XPOT: variants seen among roughly 807,000 people sequenced by gnomAD.
XPOT encodes exportin-T.
Under a neutral mutation model 128.2 loss-of-function variants are expected in XPOT, and 34 were observed. That is an observed-to-expected ratio of 0.27 (90% CI 0.20 to 0.35). The LOEUF (loss-of-function observed/expected upper bound fraction) is 0.35. Among genes scored for constraint, XPOT ranks in the 10% least tolerant of loss-of-function variants. The pLI, the probability that XPOT is intolerant of heterozygous loss-of-function variation, is 1.00. For missense variants in XPOT, 838 were observed against 1,125.3 expected, an observed-to-expected ratio of 0.74 and a Z score of 3.65; for synonymous variants, 348 against 394.3, an observed-to-expected ratio of 0.88 and a Z score of 1.39.
Position 64,414,794 on chromosome 12 carries a change from A to G in XPOT, c.61-113A>G, listed in dbSNP as rs117406971. 488 of 628,426 alleles carry G rather than the reference A, an allele frequency of 7.8e-4. 4 individuals are homozygous for G. In the Middle Eastern group the frequency reaches 8.2e-3, roughly 11 times the overall value. 38.9% of individuals were successfully genotyped at this position (628,426 alleles called of 1,614,324 possible). On this transcript the variant is annotated intron_variant, in intron 2 of 24. Coordinates refer to ENST00000332707, the MANE Select transcript of XPOT (RefSeq NM_007235.6). ...CATTTAATGTTTTAACTGTTTTTCTATTAAGTTTACTGATTTGTTATAGGT... is the reference window on the plus strand; with the variant it reads ...CATTTAATGTTTTAACTGTTTTTCTGTTAAGTTTACTGATTTGTTATAGGT...
At position 64,448,194 on chromosome 12, in the gene XPOT, T is replaced by C; in HGVS notation, c.*63T>C. 6.6e-7 allele frequency: 1 copy of C among 1,512,376 alleles called. No homozygotes were observed. Among genetic ancestry groups the C allele is most frequent in the Non-Finnish European group, 9.2e-7 (1 of 1,088,018 alleles). The allele number at this position is 1,512,376 out of a possible 1,614,324, so 93.7% of individuals were successfully genotyped here. A position where few individuals can be genotyped will look rare whatever the true frequency, so the allele number is the denominator to read the frequency against. ...TTCCAGTTAATTTATAAAGAGGCGA[T>C]TTTTGTGTGCCATTCACACTGGTCT... On this transcript the variant is annotated 3_prime_UTR_variant, in exon 25 of 25. Transcript: ENST00000332707.
chr12:64,428,033 C>A lies in XPOT; in HGVS notation c.1668-18C>A. 1 of 1,498,420 alleles carries A rather than the reference C, an allele frequency of 6.7e-7. No homozygotes were observed. Among genetic ancestry groups the A allele is most frequent in the South Asian group, 1.1e-5 (1 of 87,652 alleles). The allele number at this position is 1,498,420 out of a possible 1,614,324, so 92.8% of individuals were successfully genotyped here. A position where few individuals can be genotyped will look rare whatever the true frequency, so the allele number is the denominator to read the frequency against. On this transcript the variant is annotated intron_variant, in intron 15 of 24. Coordinates refer to ENST00000332707, the MANE Select transcript of XPOT (RefSeq NM_007235.6). The stretch of plus-strand genomic sequence containing the variant: ...TGAGCACTGTTATTAATTGTGATTT[C>A]CTTTTTCTGTTTTTCAGTAAGCAAA...
In XPOT at chr12:64,421,443, G is replaced by T. The variant is rs1289102900; in HGVS notation, c.1052G>T (p.Cys351Phe). ...ATTTCTTCTAATATTATTGGATTTT[G>T]TTACGATTATCTTCATATTTTGAAA... ...DDISSNIIGF[C>F]YDYLHILKQL... The change falls in exon 9 of 25, where the codon TGT becomes TTT. Residue 351 changes from cysteine (C) to phenylalanine (F), a missense_variant. Around this residue, in one of 3 missense-constraint regions of XPOT, gnomAD observed 761 missense variants for 988.3 expected, o/e 0.77. Transcript: ENST00000332707. The T allele has an allele frequency of 2.5e-6, 4 of 1,612,904 alleles. No homozygotes were observed. The highest frequency in any genetic ancestry group is 2.7e-5 in the African/African-American group (2 of 74,880).
At chr12:64,429,596 A>G (rs1437381936) in intron 16 of XPOT, among the ~76,000 whole-genome samples, 1 of 151,960 alleles carries the variant, frequency 6.6e-6, no homozygotes, top group East Asian at 1.9e-4. Context: ...GTGCGCCACC[A>G]CACCCAGCTA....
intron 5 of XPOT, among the ~76,000 whole-genome samples, 169 bp downstream of exon 5, chr12:64,418,284 A>G (rs1350294203): frequency 6.6e-6 from 1 of 152,228 alleles, no homozygotes; most frequent in East Asian, 1.9e-4. Flanking sequence ...TAGTTTAGCA[A>G]TAATTTAATA....
At chr12:64,427,835 CTTATTAGGTTTATAAGATTGTA>C (rs1447153160) in intron 15 of XPOT, among the ~76,000 whole-genome samples, 194 bp from the exon 16 acceptor site, 1 of 152,096 alleles carries the variant, frequency 6.6e-6, no homozygotes, top group East Asian at 1.9e-4. Context: ...AAAACTACTC[CTTATTAGGTTTATAAGATTGTA>C]AGTCATTTTG....
In XPOT at chr12:64,450,105, G is replaced by A. The variant is rs1238389196; in HGVS notation, c.*1974G>A. 6.6e-6 allele frequency: 1 copy of A among 152,116 alleles called. No individual in the cohort carries two copies. Among genetic ancestry groups the A allele is most frequent in the Non-Finnish European group, 1.5e-5 (1 of 68,016 alleles). The allele number at this position is 152,116 out of a possible 1,614,324, so 9.4% of individuals were successfully genotyped here. On this transcript the variant is annotated 3_prime_UTR_variant, in exon 25 of 25. Coordinates refer to ENST00000332707, the MANE Select transcript of XPOT (RefSeq NM_007235.6). ...TAAAGACTTGATAGTAGTTTATATGGATGCTATCTCATATTAGCATATATG... is the reference window on the plus strand; with the variant it reads ...TAAAGACTTGATAGTAGTTTATATGAATGCTATCTCATATTAGCATATATG...
chr12:64,425,963 G>C, intron 15 of XPOT, 54 bp downstream of exon 15: 1 of 1,497,482 alleles, frequency 6.7e-7, no homozygotes, highest in South Asian at 1.1e-5. Flanking sequence ...TTACTGGATA[G>C]ATGTAAAACA....
intron 1 of XPOT, among the ~76,000 whole-genome samples, chr12:64,406,085 C>CT (rs539752153): frequency 4.2e-4 from 64 of 151,790 alleles, no homozygotes; most frequent in African/African-American, 1.4e-3. Flanking sequence ...AGCACTTTTT[C>CT]TTTTTTTTGA....
intron 18 of XPOT, among the ~76,000 whole-genome samples, chr12:64,433,114 T>C (rs984672455): frequency 1.3e-5 from 2 of 152,014 alleles, no homozygotes; most frequent in African/African-American, 4.8e-5. Context: ...CCCAGCTAAT[T>C]TTTGTATTTT....
intron 4 of XPOT, among the ~76,000 whole-genome samples, chr12:64,417,065 A>G (rs1444614123): frequency 6.6e-6 from 1 of 152,130 alleles, no homozygotes; most frequent in Non-Finnish European, 1.5e-5. Flanking sequence ...AAAAATACAG[A>G]AACTAGTCAG....
At position 64,433,577 on chromosome 12, in the gene XPOT, G is replaced by T; in HGVS notation, c.2426G>T (p.Gly809Val). ...TTCCTGCAAACAGTCACAGGCAGTGGGATGAGCGAAGTTATAGCAAATCAA... is the reference window on the plus strand; with the variant it reads ...TTCCTGCAAACAGTCACAGGCAGTGTGATGAGCGAAGTTATAGCAAATCAA... ...FAFLQTVTGS[G>V]MSEVIANQGA... Residue 809 changes from glycine to valine, a missense_variant, in exon 19 of 25, where the codon GGG becomes GTG. Physicochemically the swap from Gly to Val is moderately radical, Grantham distance 109 (BLOSUM62 -3). Around this residue, in one of 3 missense-constraint regions of XPOT, gnomAD observed 761 missense variants for 988.3 expected, o/e 0.77. Coordinates refer to ENST00000332707, the MANE Select transcript of XPOT (RefSeq NM_007235.6). 1 of 1,606,900 alleles carries T rather than the reference G, an allele frequency of 6.2e-7. No homozygotes were observed. The highest frequency in any genetic ancestry group is 8.5e-7 in the Non-Finnish European group (1 of 1,175,790).
At chr12:64,413,922 C>T (rs968709918) in intron 2 of XPOT, among the ~76,000 whole-genome samples, 3 of 152,146 alleles carry the variant, frequency 2.0e-5, no homozygotes, top group Non-Finnish European at 4.4e-5. Flanking sequence ...GAGACACCAC[C>T]GTTTTAAAAA....
chr12:64,445,216 T>C (rs2040358816), intron 24 of XPOT, 85 bp downstream of exon 24: 1 of 1,057,556 alleles, frequency 9.5e-7, no homozygotes, highest in African/African-American at 1.6e-5. Context: ...CAATTATAGA[T>C]GTTTATGTGA....
chr12:64,415,765 A>G (rs192767070), intron 3 of XPOT, among the ~76,000 whole-genome samples: 4 of 152,282 alleles, frequency 2.6e-5, no homozygotes, highest in South Asian at 4.1e-4. Context: ...TTATCTTTGT[A>G]TACTAACTAG....
chr12:64,413,384 G>A (rs111428951), intron 2 of XPOT, among the ~76,000 whole-genome samples: 2 of 152,180 alleles, frequency 1.3e-5, no homozygotes, highest in Non-Finnish European at 2.9e-5. Flanking sequence ...ACCCCCCAGA[G>A]TGTTGGGATT....
intron 21 of XPOT, among the ~76,000 whole-genome samples, 176 bp downstream of exon 21, chr12:64,435,085 T>C (rs765855727): frequency 1.3e-5 from 2 of 152,192 alleles, no homozygotes; most frequent in Admixed American, 6.5e-5. Flanking sequence ...TGAATTCTTA[T>C]TGAATCCCAA....
At chr12:64,426,356 A>G (rs1180305713) in intron 15 of XPOT, among the ~76,000 whole-genome samples, 2 of 152,070 alleles carry the variant, frequency 1.3e-5, no homozygotes, top group Non-Finnish European at 2.9e-5. Flanking sequence ...AATACTAAAC[A>G]GCCATAACAA....
intron 22 of XPOT, 85 bp from the exon 23 acceptor site, chr12:64,439,159 T>C: frequency 7.6e-7 from 1 of 1,313,640 alleles, no homozygotes; most frequent in Non-Finnish European, 1.1e-6. Flanking sequence ...ATATTGCCTT[T>C]AAAGTGTACA....
Sources: allele counts gnomAD v4.1 joint callset (sites outside exome capture counted in the v4.1 genomes callset), GRCh38; gene constraint gnomAD v4.1.1; regional missense constraint gnomAD v4.1.1; transcripts MANE v1.5; gene names NCBI Gene and HGNC (gene_info 2026-07-23, HGNC 2026-07-21).